Variants in ITGA8 observed in about 807,000 individuals in gnomAD.
The protein encoded by ITGA8 is integrin alpha-8.
ITGA8 carries 91 observed loss-of-function variants against 142.3 expected under a neutral mutation model. That is an observed-to-expected ratio of 0.64 (90% CI 0.54 to 0.76). The LOEUF (loss-of-function observed/expected upper bound fraction) is 0.76. Ranked by LOEUF, ITGA8 falls within the 30% of genes least tolerant of loss-of-function variation. The pLI is 0.00. For missense variants in ITGA8, 1,406 were observed against 1,327.7 expected (o/e 1.06, Z -0.92); for synonymous variants, 505 against 485.2 (o/e 1.04, Z -0.54).
chr10:15,704,721 A>C (rs1588739434), intron 2 of ITGA8, among the ~76,000 whole-genome samples: 1 of 152,210 alleles, frequency 6.6e-6, no homozygotes, highest in African/African-American at 2.4e-5. Flanking sequence ...TTCAAGAAGT[A>C]ATGAAAACCT....
chr10:15,718,304 A>G (rs1835490994), intron 2 of ITGA8, among the ~76,000 whole-genome samples: 1 of 152,214 alleles, frequency 6.6e-6, no homozygotes, highest in African/African-American at 2.4e-5. Flanking sequence ...TAAAGAATTA[A>G]ACAGCAACGC....
At chr10:15,605,471 C>T (rs143193546) in intron 19 of ITGA8, among the ~76,000 whole-genome samples, 5 of 126,732 alleles carry the variant, frequency 3.9e-5, no homozygotes, top group African/African-American at 1.4e-4. Context: ...TTACTTTCAA[C>T]AAAAACATTT....
At chr10:15,610,223 T>C (rs914494427) in intron 15 of ITGA8, among the ~76,000 whole-genome samples, 1 of 152,256 alleles carries the variant, frequency 6.6e-6, no homozygotes. Context: ...TTTCAAACTC[T>C]GTGTTATGAT....
chr10:15,543,247 C>G (rs1043412022), intron 27 of ITGA8, among the ~76,000 whole-genome samples: 3 of 152,204 alleles, frequency 2.0e-5, no homozygotes, highest in Non-Finnish European at 2.9e-5. Context: ...CTACCAGAGA[C>G]AGAGAAAATA....
chr10:15,626,849 CTTGATCT>C (rs1833592988), intron 13 of ITGA8, among the ~76,000 whole-genome samples: 1 of 152,172 alleles, frequency 6.6e-6, no homozygotes, highest in Non-Finnish European at 1.5e-5. Context: ...CTGCTGACGC[CTTGATCT>C]TGGACTTGCA....
intron 25 of ITGA8, among the ~76,000 whole-genome samples, chr10:15,571,385 A>G (rs1294555953): frequency 6.6e-6 from 1 of 152,260 alleles, no homozygotes; most frequent in Non-Finnish European, 1.5e-5. Context: ...TCGTTCTTAC[A>G]TGAAGTTATC....
intron 18 of ITGA8, 64 bp downstream of exon 18, chr10:15,606,221 C>T: frequency 7.0e-7 from 1 of 1,429,184 alleles, no homozygotes; most frequent in Non-Finnish European, 9.6e-7. Flanking sequence ...GTCTTAAAGC[C>T]ATGAGAACAA....
intron 25 of ITGA8, among the ~76,000 whole-genome samples, chr10:15,568,573 T>C (rs928167795): frequency 1.3e-5 from 2 of 152,208 alleles, no homozygotes; most frequent in African/African-American, 4.8e-5. Context: ...AGAGTTATGT[T>C]GTATTTGGAG....
At chr10:15,580,394 C>CA (rs1023369857) in intron 23 of ITGA8, among the ~76,000 whole-genome samples, 1 of 151,976 alleles carries the variant, frequency 6.6e-6, no homozygotes, top group Non-Finnish European at 1.5e-5. Flanking sequence ...AACCTTCGTA[C>CA]AAAAAAATCC....
chr10:15,605,818 A>G, intron 18 of ITGA8, 27 bp from the exon 19 acceptor site: 1 of 1,602,638 alleles, frequency 6.2e-7, no homozygotes, highest in Non-Finnish European at 8.5e-7. Flanking sequence ...CACGTCAGGA[A>G]CAATCTAGGA....
At chr10:15,631,453 A>G (rs1435143942) in intron 13 of ITGA8, among the ~76,000 whole-genome samples, 2 of 151,944 alleles carry the variant, frequency 1.3e-5, no homozygotes, top group Non-Finnish European at 2.9e-5. Context: ...ATTCCTAGCA[A>G]ACTAACACAG....
chr10:15,611,068 A>T (rs541939052), intron 15 of ITGA8, among the ~76,000 whole-genome samples: 1 of 152,218 alleles, frequency 6.6e-6, no homozygotes, highest in Non-Finnish European at 1.5e-5. Context: ...ACTATTTGCC[A>T]AGTAGAGTTT....
At chr10:15,676,642 T>C (rs1834636251) in intron 6 of ITGA8, among the ~76,000 whole-genome samples, 1 of 152,202 alleles carries the variant, frequency 6.6e-6, no homozygotes, top group Non-Finnish European at 1.5e-5. Flanking sequence ...CCACAGAGCT[T>C]GGCAGAGCCT....
chr10:15,625,557 T>G (rs1164192902), intron 13 of ITGA8, among the ~76,000 whole-genome samples: 1 of 152,246 alleles, frequency 6.6e-6, no homozygotes, highest in Non-Finnish European at 1.5e-5. Flanking sequence ...AAGAGCGTGA[T>G]AGCTCACAAA....
chr10:15,569,878 G>A (rs1325312972), intron 25 of ITGA8, among the ~76,000 whole-genome samples: 1 of 152,140 alleles, frequency 6.6e-6, no homozygotes, highest in Non-Finnish European at 1.5e-5. Flanking sequence ...GATGACGTTT[G>A]CATTCTCTAG....
chr10:15,530,376 T>C (rs2131541141), intron 28 of ITGA8, among the ~76,000 whole-genome samples: 1 of 151,882 alleles, frequency 6.6e-6, no homozygotes, highest in South Asian at 2.1e-4. Context: ...TGAAACCCTG[T>C]CTCTATGAAA....
At chr10:15,531,024 G>T in intron 28 of ITGA8, 26 bp downstream of exon 28, 2 of 1,065,244 alleles carry the variant, frequency 1.9e-6, no homozygotes, top group Non-Finnish European at 1.4e-6. Flanking sequence ...AATTATTTGT[G>T]CCTATATATA....
intron 20 of ITGA8, 26 bp from the exon 21 acceptor site, chr10:15,597,325 TA>T: frequency 6.3e-7 from 1 of 1,580,388 alleles, no homozygotes; most frequent in African/African-American, 1.3e-5. Flanking sequence ...ACAGGGGGTT[TA>T]GGGGGCAGGA....
intron 28 of ITGA8, among the ~76,000 whole-genome samples, chr10:15,521,738 CACT>C (rs1564334227): frequency 6.6e-6 from 1 of 152,326 alleles, no homozygotes; most frequent in African/African-American, 2.4e-5. Flanking sequence ...CTCTGCGCAC[CACT>C]GTTTAAGGAT....
Sources: allele counts gnomAD v4.1 joint callset (sites outside exome capture counted in the v4.1 genomes callset), GRCh38; gene constraint gnomAD v4.1.1; transcripts MANE v1.5; gene names NCBI Gene and HGNC (gene_info 2026-07-23, HGNC 2026-07-21).